The following ATP8B4 variants were observed in gnomAD, a reference collection of about 807,000 sequenced individuals.
The protein encoded by ATP8B4 is ATPase phospholipid transporting 8B4 (putative).
ATP8B4 carries 133 observed loss-of-function variants against 145.6 expected under a neutral mutation model. The observed-to-expected ratio is 0.91, with a 90% CI of 0.79 to 1.05. The LOEUF is 1.05. Ranked by LOEUF, ATP8B4 falls within the 50% of genes least tolerant of loss-of-function variation. The probability of loss-of-function intolerance (pLI) is 0.00; values close to 1 mark genes in which losing one functional copy is unlikely to be tolerated. For missense variants in ATP8B4, 1,458 were observed against 1,425.2 expected, an observed-to-expected ratio of 1.02 and a Z score of -0.37; for synonymous variants, 507 against 492.9, an observed-to-expected ratio of 1.03 and a Z score of -0.38.
At chr15:49,900,830 T>C (rs564307657) in intron 21 of ATP8B4, among the ~76,000 whole-genome samples, 1 of 152,308 alleles carries the variant, frequency 6.6e-6, no homozygotes, top group East Asian at 1.9e-4. Flanking sequence ...AAGTGGTCTA[T>C]AGTCATTTAG....
At chr15:50,053,529 G>A (rs1039513392) in intron 3 of ATP8B4, among the ~76,000 whole-genome samples, 2 of 152,164 alleles carry the variant, frequency 1.3e-5, no homozygotes, top group Admixed American at 6.5e-5. Context: ...CAGAGCCCTC[G>A]TTCTACTGCC....
At chr15:50,085,101 G>C (rs931761421) in intron 2 of ATP8B4, among the ~76,000 whole-genome samples, 2 of 152,082 alleles carry the variant, frequency 1.3e-5, no homozygotes, top group Non-Finnish European at 2.9e-5. Context: ...TTGTTACCAA[G>C]GCCTTCAGGG....
chr15:49,861,944 T>C (rs1598754181), intron 27 of ATP8B4, among the ~76,000 whole-genome samples: 1 of 152,306 alleles, frequency 6.6e-6, no homozygotes, highest in South Asian at 2.1e-4. Flanking sequence ...CTTGGAAAAA[T>C]TGTCCAAAAT....
intron 25 of ATP8B4, among the ~76,000 whole-genome samples, chr15:49,867,460 T>C (rs975747313): frequency 6.6e-6 from 1 of 152,290 alleles, no homozygotes; most frequent in Middle Eastern, 3.4e-3. Context: ...AGTACAGCCT[T>C]TTCTCCCCTC....
intron 1 of ATP8B4, among the ~76,000 whole-genome samples, chr15:50,145,310 G>A (rs992425563): frequency 6.6e-6 from 1 of 152,204 alleles, no homozygotes; most frequent in Non-Finnish European, 1.5e-5. Context: ...TATCTTGTCT[G>A]ATTTGAGAGG....
chr15:50,152,173 C>CT (rs1272665067), intron 1 of ATP8B4, among the ~76,000 whole-genome samples: 1 of 152,076 alleles, frequency 6.6e-6, no homozygotes, highest in African/African-American at 2.4e-5. Context: ...TTTTTAGACT[C>CT]TTTTCCATAA....
At chr15:50,167,477 C>G (rs1465391614) in intron 1 of ATP8B4, among the ~76,000 whole-genome samples, 1 of 152,170 alleles carries the variant, frequency 6.6e-6, no homozygotes, top group African/African-American at 2.4e-5. Flanking sequence ...TGTCTCTTTT[C>G]TCTTCTAAGG....
In ATP8B4 at chr15:49,876,801, T is replaced by C; in HGVS notation, c.2782-278A>G. On this transcript the variant is annotated intron_variant, in intron 24 of 27. Coordinates refer to ENST00000284509, the MANE Select transcript of ATP8B4 (RefSeq NM_024837.4). ...GCAGAACCAGGGCTTGGTTTGAGCC[T>C]AGCTATTTGGCTTCAAATTGAAGTT... 7.3e-6 allele frequency: 4 copies of C among 550,732 alleles called. No homozygotes were observed. The Admixed American group carries it at 7.4e-5, about 10-fold the overall frequency. 34.1% of individuals were successfully genotyped at this position (550,732 alleles called of 1,614,324 possible).
chr15:50,148,023 T>C (rs2044301458), intron 1 of ATP8B4, among the ~76,000 whole-genome samples: 1 of 152,236 alleles, frequency 6.6e-6, no homozygotes, highest in Non-Finnish European at 1.5e-5. Context: ...TTAGCATTTC[T>C]ACTAAGTGAT....
chr15:50,134,684 G>C (rs930210099), intron 1 of ATP8B4, among the ~76,000 whole-genome samples: 1 of 152,196 alleles, frequency 6.6e-6, no homozygotes, highest in South Asian at 2.1e-4. Flanking sequence ...CAACAAGAAT[G>C]GAGAACAAAG....
At chr15:50,128,289 A>T (rs2057320289) in intron 1 of ATP8B4, among the ~76,000 whole-genome samples, 1 of 152,256 alleles carries the variant, frequency 6.6e-6, no homozygotes, top group South Asian at 2.1e-4. Context: ...AGTTGGAGTC[A>T]CATGGAAAAT....
Position 49,869,770 on chromosome 15 carries a change from G to A in ATP8B4, c.3028-3286C>T, listed in dbSNP as rs1386137944. Reference sequence around the variant, plus strand: ...CAGGGTGATGACAACCAAGCTGTAAGGTGTAATAACAGCAGTGTTTCCACT... The same window carrying A: ...CAGGGTGATGACAACCAAGCTGTAAAGTGTAATAACAGCAGTGTTTCCACT... On this transcript the variant is annotated intron_variant, in intron 25 of 27. Transcript: ENST00000284509. Among the ~76,000 whole-genome samples the A allele has an allele frequency of 4.6e-5, 7 of 152,254 alleles. No homozygotes were observed. The East Asian group carries it at 9.7e-4, about 21-fold the overall frequency.
At chr15:49,923,228 C>T in intron 17 of ATP8B4, 151 bp downstream of exon 17, 1 of 647,542 alleles carries the variant, frequency 1.5e-6, no homozygotes, top group Non-Finnish European at 2.7e-6. Flanking sequence ...AATTCCCAGA[C>T]AATCATTGGC....
At chr15:50,143,791 G>C (rs1659988055) in intron 1 of ATP8B4, among the ~76,000 whole-genome samples, 1 of 152,150 alleles carries the variant, frequency 6.6e-6, no homozygotes, top group Admixed American at 6.5e-5. Context: ...GTGATTAAAG[G>C]TACCATGTTA....
chr15:49,934,103 G>T lies in ATP8B4; in HGVS notation c.1367C>A (p.Ser456Tyr). ...FQFFDHHLMESIKMGDPKVHE... is the reference protein window; with the variant it reads ...FQFFDHHLMEYIKMGDPKVHE... The stretch of plus-strand genomic sequence containing the variant: ...AACTTTGGGATCACCCATTTTAATG[G>T]ATTCCATCAGATGGTGGTCAAAGAA... Residue 456 changes from serine (S) to tyrosine (Y), a missense_variant, in exon 15 of 28, where the codon TCC becomes TAC. Physicochemically the swap from Ser to Tyr is moderately radical, Grantham distance 144 (BLOSUM62 -2). Coordinates refer to ENST00000284509, the MANE Select transcript of ATP8B4 (RefSeq NM_024837.4). 1 of 1,612,744 alleles carries T rather than the reference G, an allele frequency of 6.2e-7. No individual in the cohort carries two copies. Among genetic ancestry groups the T allele is most frequent in the Non-Finnish European group, 8.5e-7 (1 of 1,179,210 alleles).
chr15:49,887,934 A>G (rs2036387478), intron 23 of ATP8B4, among the ~76,000 whole-genome samples: 1 of 152,210 alleles, frequency 6.6e-6, no homozygotes, highest in Admixed American at 6.5e-5. Context: ...CTGCTCGACC[A>G]CTGGCTGAGC....
chr15:50,010,795 T>C (rs772534716), intron 7 of ATP8B4, 50 bp downstream of exon 7: 29 of 1,234,092 alleles, frequency 2.3e-5, no homozygotes, highest in Non-Finnish European at 3.2e-5. Context: ...CTTCCATATA[T>C]ATGCTACTTT....
intron 10 of ATP8B4, among the ~76,000 whole-genome samples, chr15:49,984,546 G>A (rs919334625): frequency 2.0e-5 from 3 of 152,152 alleles, no homozygotes; most frequent in Non-Finnish European, 4.4e-5. Context: ...GAGGTGACAG[G>A]AATTTGCAGC....
intron 5 of ATP8B4, among the ~76,000 whole-genome samples, chr15:50,042,394 CAACTTGAT>C (rs961453114): frequency 3.3e-5 from 5 of 151,996 alleles, no homozygotes; most frequent in African/African-American, 1.2e-4. Context: ...TCACATGAAC[CAACTTGAT>C]AAGTACAAAT....
Sources: gnomAD v4.1 joint callset for allele counts (sites outside exome capture counted in the v4.1 genomes callset) on GRCh38, gnomAD v4.1.1 for gene constraint, MANE v1.5 for transcripts, NCBI Gene and HGNC (gene_info 2026-07-23, HGNC 2026-07-21) for gene names.